Variants in SCOC observed in about 807,000 individuals in gnomAD.
SCOC encodes short coiled-coil protein.
A neutral mutation model predicts 9.9 loss-of-function variants in SCOC; 7 were observed. The observed-to-expected ratio is 0.71, with a 90% CI of 0.40 to 1.33. The LOEUF is 1.33. SCOC is among the 40% of genes most tolerant of loss of function. The probability of loss-of-function intolerance (pLI) is 0.01; values close to 1 mark genes in which losing one functional copy is unlikely to be tolerated. For missense variants in SCOC, 66 were observed against 89.7 expected (o/e 0.74, Z 1.07); for synonymous variants, 19 against 28.2 (o/e 0.67, Z 1.03).
intron 1 of SCOC, among the ~76,000 whole-genome samples, chr4:140,281,671 T>C (rs1228598845): frequency 6.6e-6 from 1 of 152,204 alleles, no homozygotes; most frequent in Non-Finnish European, 1.5e-5. Flanking sequence ...GCCTCCCCCG[T>C]ATCTCCAACT....
At chr4:140,270,480 C>T (rs574378245) in intron 1 of SCOC, among the ~76,000 whole-genome samples, 21 of 152,080 alleles carry the variant, frequency 1.4e-4, no homozygotes, top group South Asian at 6.3e-4. Context: ...ACTGCAGGCA[C>T]GTGCCACCAT....
chr4:140,316,656 TTCCCTTGC>T (rs1435380767), intron 1 of SCOC, among the ~76,000 whole-genome samples: 1 of 152,138 alleles, frequency 6.6e-6, no homozygotes, highest in Non-Finnish European at 1.5e-5. Context: ...CAAAGTGCCT[TTCCCTTGC>T]TGCCCTGACC....
chr4:140,273,547 A>G (rs1360981811), intron 1 of SCOC, among the ~76,000 whole-genome samples: 1 of 152,126 alleles, frequency 6.6e-6, no homozygotes, highest in Non-Finnish European at 1.5e-5. Flanking sequence ...GGTCTCTGAA[A>G]GAATCAAGCA....
At chr4:140,355,211 T>TTATATATATATATATGATATATATA (rs1553940379) in intron 2 of SCOC, among the ~76,000 whole-genome samples, 5 of 61,394 alleles carry the variant, frequency 8.1e-5, no homozygotes, top group African/African-American at 2.4e-4. Context: ...CATTATATTT[T>TTATATATATATATATGATATATATA]TATATATATA....
At position 140,343,771 on chromosome 4, in the gene SCOC, A is replaced by G. The variant is rs148343549; in HGVS notation, c.70+63A>G. 2.3e-4 allele frequency: 268 copies of G among 1,154,910 alleles called. No individual in the cohort carries two copies. In the East Asian group the frequency reaches 5.3e-3, roughly 23 times the overall value. 71.5% of individuals were successfully genotyped at this position (1,154,910 alleles called of 1,614,324 possible). ...AACAACAGCTCAGTTTTTTAAAAAT[A>G]TAACTTTTATTATTTTCAGTATAAT... On this transcript the variant is annotated intron_variant, in intron 2 of 4. Coordinates refer to the SCOC transcript ENST00000338517.
At chr4:140,310,791 T>C (rs1279689713) in intron 1 of SCOC, among the ~76,000 whole-genome samples, 1 of 152,078 alleles carries the variant, frequency 6.6e-6, no homozygotes, top group African/African-American at 2.4e-5. Flanking sequence ...CGAGGGTGGG[T>C]GTGTTTTGCC....
intron 2 of SCOC, chr4:140,366,248 C>T (rs1443637313): frequency 2.1e-5 from 26 of 1,234,896 alleles, no homozygotes; most frequent in Admixed American, 6.1e-5. Context: ...TCTTGCCAAA[C>T]GCTTTTGGAG....
At chr4:140,344,259 C>A (rs1726622424) in intron 2 of SCOC, among the ~76,000 whole-genome samples, 1 of 152,124 alleles carries the variant, frequency 6.6e-6, no homozygotes, top group Non-Finnish European at 1.5e-5. Context: ...ATAGACAGTG[C>A]TGAATTGCAC....
intron 1 of SCOC, among the ~76,000 whole-genome samples, chr4:140,280,315 G>T (rs1462447372): frequency 1.3e-5 from 2 of 152,092 alleles, no homozygotes; most frequent in Non-Finnish European, 2.9e-5. Context: ...TTTTTGTAGA[G>T]ACAGGGTTTT....
rs1329413577 is a variant in SCOC, at chr4:140,384,379, G to A, written c.*3275G>A. On this transcript the variant is annotated 3_prime_UTR_variant, in exon 4 of 4. Transcript: ENST00000608372. ...TGTGTCCAGCTTCTGGAAAAGACTC[G>A]ACCAAATTTTAGACAGGCACCTCTG... 2 of 152,096 alleles carry A rather than the reference G, an allele frequency of 1.3e-5. No individual in the cohort carries two copies. The highest frequency in any genetic ancestry group is 4.8e-5 in the African/African-American group (2 of 41,402). The allele number at this position is 152,096 out of a possible 1,614,324, so 9.4% of individuals were successfully genotyped here.
intron 1 of SCOC, among the ~76,000 whole-genome samples, chr4:140,260,819 G>T (rs183088748): frequency 6.6e-6 from 1 of 152,304 alleles, no homozygotes; most frequent in East Asian, 1.9e-4. Context: ...CACACTGTGA[G>T]AGAGAAAAGA....
intron 2 of SCOC, among the ~76,000 whole-genome samples, chr4:140,365,340 G>A (rs1727745136): frequency 6.6e-6 from 1 of 152,160 alleles, no homozygotes; most frequent in South Asian, 2.1e-4. Flanking sequence ...AAGAGGCAGT[G>A]CCAGAAAAAT....
intron 1 of SCOC, among the ~76,000 whole-genome samples, chr4:140,308,253 C>T (rs1410047282): frequency 1.3e-5 from 2 of 152,170 alleles, no homozygotes; most frequent in African/African-American, 2.4e-5. Flanking sequence ...GCCCATATTC[C>T]CTACCTCAAA....
At chr4:140,379,231 T>C in intron 2 of SCOC, 39 bp downstream of exon 2, 1 of 1,345,138 alleles carries the variant, frequency 7.4e-7, no homozygotes, top group Non-Finnish European at 1.1e-6. Flanking sequence ...CTCCTGGTTT[T>C]GTGGATGCTT....
chr4:140,373,989 G>C (rs774741520), intron 1 of SCOC: 2 of 633,868 alleles, frequency 3.2e-6, no homozygotes, highest in South Asian at 3.0e-5. Flanking sequence ...CGCAGACATC[G>C]TGTAGCTTTC....
intron 2 of SCOC, among the ~76,000 whole-genome samples, chr4:140,355,176 G>A (rs1727153890): frequency 6.8e-6 from 1 of 146,474 alleles, no homozygotes; most frequent in Non-Finnish European, 1.5e-5. Context: ...AAGAAGGTGA[G>A]ACTGGCCCAA....
At chr4:140,355,248 T>TATAA (rs1727175324) in intron 2 of SCOC, among the ~76,000 whole-genome samples, 3 of 146,970 alleles carry the variant, frequency 2.0e-5, no homozygotes, top group Non-Finnish European at 4.5e-5. Flanking sequence ...TATATATATA[T>TATAA]AATGTATATA....
intron 1 of SCOC, among the ~76,000 whole-genome samples, chr4:140,332,227 A>G (rs972401937): frequency 1.1e-4 from 16 of 152,242 alleles, no homozygotes; most frequent in African/African-American, 3.6e-4. Flanking sequence ...TCAGATGTTT[A>G]AAAGCATCTC....
chr4:140,323,655 A>G (rs1732564106), intron 1 of SCOC, among the ~76,000 whole-genome samples: 1 of 152,224 alleles, frequency 6.6e-6, no homozygotes, highest in African/African-American at 2.4e-5. Flanking sequence ...CAATTATTTT[A>G]AAGAGCCAAA....
Sources: gnomAD v4.1 joint callset for allele counts (sites outside exome capture counted in the v4.1 genomes callset) on GRCh38, gnomAD v4.1.1 for gene constraint, MANE v1.5 for transcripts, NCBI Gene and HGNC (gene_info 2026-07-23, HGNC 2026-07-21) for gene names.